The following ZNF461 variants were observed in gnomAD, a reference collection of about 807,000 sequenced individuals.
ZNF461 encodes the protein zinc finger protein 461, also known as gonadotropin-inducible ovarian transcription factor-1.
ZNF461 carries 16 observed loss-of-function variants against 18.3 expected under a neutral mutation model. The observed-to-expected ratio is 0.88, with a 90% CI of 0.59 to 1.33. The LOEUF (loss-of-function observed/expected upper bound fraction) is 1.33. Among genes scored for constraint, ZNF461 ranks in the 40% most tolerant of loss-of-function variants. The pLI, the probability that ZNF461 is intolerant of heterozygous loss-of-function variation, is 0.00. For missense variants in ZNF461, 595 were observed against 669.9 expected, an observed-to-expected ratio of 0.89 and a Z score of 1.23; for synonymous variants, 179 against 216.9, an observed-to-expected ratio of 0.83 and a Z score of 1.54.
chr19:36,638,797 CTGA>C lies in ZNF461; in HGVS notation c.1545_1547del (p.His515del), dbSNP rs2037347949. 3.1e-6 allele frequency: 5 copies of C among 1,614,166 alleles called. No homozygotes were observed. The highest frequency in any genetic ancestry group is 4.2e-6 in the Non-Finnish European group (5 of 1,180,024). ...AAGGTTTCTTTCCAGAATGAATTCT[CTGA>C]TGGTGTGAGAAGCTTGAATGATAGC... On this transcript the variant is annotated inframe_deletion, in exon 6 of 6. Coordinates refer to ENST00000588268, the MANE Select transcript of ZNF461 (RefSeq NM_153257.5).
At position 36,639,574 on chromosome 19, in the gene ZNF461, ATGAACAAAGGCC is replaced by A; in HGVS notation, c.759_770del (p.Lys253_His257delinsAsn). On this transcript the variant is annotated inframe_deletion, in exon 6 of 6. Coordinates refer to ENST00000588268, the MANE Select transcript of ZNF461 (RefSeq NM_153257.5). ...TTCTTAGATGTTTAAGTTGTGAGCAATGAACAAAGGCCTTCCAACATTCTTTACACTCATTGC... is the reference window on the plus strand; with the variant it reads ...TTCTTAGATGTTTAAGTTGTGAGCAATTCCAACATTCTTTACACTCATTGC... 1 of 1,613,080 alleles carries A rather than the reference ATGAACAAAGGCC, an allele frequency of 6.2e-7. No individual in the cohort carries two copies. The highest frequency in any genetic ancestry group is 8.5e-7 in the Non-Finnish European group (1 of 1,179,296).
intron 4 of ZNF461, among the ~76,000 whole-genome samples, chr19:36,654,524 T>C (rs1421789564): frequency 6.6e-6 from 1 of 151,998 alleles, no homozygotes; most frequent in African/African-American, 2.4e-5. Flanking sequence ...CATGCCACCA[T>C]GCTAGGCTAA....
At chr19:36,665,605 A>C (rs558094716) in intron 1 of ZNF461, among the ~76,000 whole-genome samples, 1 of 148,490 alleles carries the variant, frequency 6.7e-6, no homozygotes, top group Admixed American at 6.9e-5. Context: ...GCTACTCGTG[A>C]GGCTGAGGCA....
At chr19:36,640,557 G>A (rs777863379) in intron 5 of ZNF461, among the ~76,000 whole-genome samples, 37 of 152,142 alleles carry the variant, frequency 2.4e-4, no homozygotes, top group African/African-American at 3.6e-4. Context: ...CCATGCAACT[G>A]GGTTCTGCCT....
rs747109006 is a variant in ZNF461, at chr19:36,658,331, A to G, written c.104T>C (p.Met35Thr). The G allele has an allele frequency of 6.2e-7, 1 of 1,610,704 alleles. No homozygotes were observed. Among genetic ancestry groups the G allele is most frequent in the Non-Finnish European group, 8.5e-7 (1 of 1,178,176 alleles). The change falls in exon 3 of 6, where the codon ATG (methionine) becomes ACG (threonine). Residue 35 changes from methionine (M) to threonine (T), a missense_variant. Coordinates refer to ENST00000588268, the MANE Select transcript of ZNF461 (RefSeq NM_153257.5). ...PAQRNLYKEV[M>T]LENYSNLVSL... ...CACCAAGTTGCTATAATTCTCCAAC[A>G]TCACCTCCTTGTACAAATTCCTCTG...
intron 4 of ZNF461, 127 bp downstream of exon 4, chr19:36,656,321 A>T: frequency 2.5e-6 from 2 of 790,778 alleles, no homozygotes; most frequent in Non-Finnish European, 4.3e-6. Context: ...CTGTTTGATT[A>T]CTATATCTTT....
Position 36,639,879 on chromosome 19 carries a change from CCTGATGTTG to C in ZNF461, c.457_465del (p.Gln153_Gln155del). 5 of 1,613,814 alleles carry C rather than the reference CCTGATGTTG, an allele frequency of 3.1e-6. No individual in the cohort carries two copies. The highest frequency in any genetic ancestry group is 4.2e-6 in the Non-Finnish European group (5 of 1,179,850). On this transcript the variant is annotated inframe_deletion, in exon 6 of 6. Coordinates refer to ENST00000588268, the MANE Select transcript of ZNF461 (RefSeq NM_153257.5). ...TGTCTAAAATAACCCTCCTCTTGTC[CCTGATGTTG>C]CTCAAAATGACAGTTGCCTTCCCAG...
At chr19:36,644,394 G>C (rs1428754321) in intron 4 of ZNF461, among the ~76,000 whole-genome samples, 1 of 150,866 alleles carries the variant, frequency 6.6e-6, no homozygotes, top group Non-Finnish European at 1.5e-5. Context: ...TCAGCCTCCT[G>C]AATAGCTGGG....
At chr19:36,641,652 T>C (rs2037426771) in intron 5 of ZNF461, among the ~76,000 whole-genome samples, 1 of 151,478 alleles carries the variant, frequency 6.6e-6, no homozygotes, top group African/African-American at 2.4e-5. Context: ...AATAATCAGT[T>C]GCTGAATGAA....
chr19:36,664,507 G>T (rs934459362), intron 2 of ZNF461, among the ~76,000 whole-genome samples, 191 bp downstream of exon 2: 1 of 151,698 alleles, frequency 6.6e-6, no homozygotes, highest in Admixed American at 6.6e-5. Flanking sequence ...AGAATCGCCT[G>T]AACCTGGGAG....
At position 36,638,167 on chromosome 19, in the gene ZNF461, T is replaced by A. The variant is rs1171357309; in HGVS notation, c.*486A>T. On this transcript the variant is annotated 3_prime_UTR_variant, in exon 6 of 6. Coordinates refer to ENST00000588268, the MANE Select transcript of ZNF461 (RefSeq NM_153257.5). ...TGAACCTTACAAAGAATGGGTTACA[T>A]CTTTACGTACTGACCTGGAAAAGTA... 5.5e-6 allele frequency: 1 copy of A among 182,374 alleles called. No individual in the cohort carries two copies. Among genetic ancestry groups the A allele is most frequent in the East Asian group, 1.6e-4 (1 of 6,232 alleles). The allele number at this position is 182,374 out of a possible 1,614,324, so 11.3% of individuals were successfully genotyped here.
intron 5 of ZNF461, among the ~76,000 whole-genome samples, chr19:36,642,554 C>T (rs976842393): frequency 6.6e-6 from 1 of 152,076 alleles, no homozygotes; most frequent in Admixed American, 6.6e-5. Context: ...GGAGGGCGGG[C>T]ATATGAGCAT....
In ZNF461 at chr19:36,665,502, G is replaced by A. The variant is rs529035424; in HGVS notation, c.-80-716C>T. 2.6e-5 allele frequency among the ~76,000 whole-genome samples: 4 copies of A among 152,116 alleles called. No individual in the cohort carries two copies. The East Asian group carries it at 7.8e-4, about 30-fold the overall frequency. ...GATGCGGGCGGATCACGAGGTCAGG[G>A]GCTCAAGACCAGCCTGGCCAACATG... On this transcript the variant is annotated intron_variant, in intron 1 of 5. Transcript: ENST00000588268.
rs1438430559 is a variant in ZNF461 at position 36,637,833 on chromosome 19, GT to G, written c.*819del. On this transcript the variant is annotated 3_prime_UTR_variant, in exon 6 of 6. Coordinates refer to ENST00000588268, the MANE Select transcript of ZNF461 (RefSeq NM_153257.5). ...GAATAAAAGGAAACTGATAGCAGTT[GT>G]TGCATCTGTGGAAAGTGAGTGGCTA... 2.3e-6 allele frequency: 1 copy of G among 433,914 alleles called. No homozygotes were observed. Among genetic ancestry groups the G allele is most frequent in the Non-Finnish European group, 4.6e-6 (1 of 217,352 alleles). 26.9% of individuals were successfully genotyped at this position (433,914 alleles called of 1,614,324 possible).
intron 4 of ZNF461, 90 bp from the exon 5 acceptor site, chr19:36,643,952 G>A: frequency 8.9e-7 from 1 of 1,126,958 alleles, no homozygotes; most frequent in South Asian, 2.2e-5. Context: ...TTTCTTTTTA[G>A]ACAGAGTTTC....
chr19:36,653,360 G>A (rs942193166), intron 4 of ZNF461, among the ~76,000 whole-genome samples: 4 of 152,098 alleles, frequency 2.6e-5, no homozygotes, highest in Non-Finnish European at 5.9e-5. Context: ...ATTTTCCAAA[G>A]GACAAGTATT....
rs2037297583 is a variant in ZNF461, at chr19:36,636,655, C to A, written c.*1998G>T. ...AAAGGTGGGAGCCAAGGGGCCAGAG[C>A]AAATCAAAAGCTGCAAAGGCGCCAA... On this transcript the variant is annotated 3_prime_UTR_variant, in exon 6 of 6. Transcript: ENST00000588268. Among the ~76,000 whole-genome samples, 1 of 152,142 alleles carries A rather than the reference C, an allele frequency of 6.6e-6. No individual in the cohort carries two copies. Among genetic ancestry groups the A allele is most frequent in the African/African-American group, 2.4e-5 (1 of 41,434 alleles).
At chr19:36,659,127 G>C (rs550404778) in intron 2 of ZNF461, among the ~76,000 whole-genome samples, 2 of 152,250 alleles carry the variant, frequency 1.3e-5, no homozygotes, top group African/African-American at 4.8e-5. Flanking sequence ...CATGTTCCTA[G>C]GAAGCCTAAC....
chr19:36,638,392 T>C lies in ZNF461; in HGVS notation c.*261A>G, dbSNP rs933448741. ...ATTTTATTTCACTGTTTCAGTGAAA[T>C]ATTTCACTGGTTTCAGTGAAACATG... On this transcript the variant is annotated 3_prime_UTR_variant, in exon 6 of 6. Transcript: ENST00000588268. 2 of 292,958 alleles carry C rather than the reference T, an allele frequency of 6.8e-6. No homozygotes were observed. The highest frequency in any genetic ancestry group is 6.1e-5 in the East Asian group (1 of 16,506). 18.1% of individuals were successfully genotyped at this position (292,958 alleles called of 1,614,324 possible). A position where few individuals can be genotyped will look rare whatever the true frequency, so the allele number is the denominator to read the frequency against.
Sources: gnomAD v4.1 joint callset for allele counts (sites outside exome capture counted in the v4.1 genomes callset) on GRCh38, gnomAD v4.1.1 for gene constraint, MANE v1.5 for transcripts, NCBI Gene and HGNC (gene_info 2026-07-23, HGNC 2026-07-21) for gene names.